SLC1A3: variants seen among roughly 807,000 people sequenced by gnomAD.
SLC1A3 encodes excitatory amino acid transporter 1.
A neutral mutation model predicts 48.1 loss-of-function variants in SLC1A3; 21 were observed. The ratio of observed to expected loss-of-function variants is 0.44; its 90% CI spans 0.31 to 0.63. The LOEUF (loss-of-function observed/expected upper bound fraction) is 0.63, where lower values mean the gene tolerates loss of function less well. Ranked by LOEUF, SLC1A3 falls within the 20% of genes least tolerant of loss-of-function variation. SLC1A3 has a pLI of 0.08. For missense variants in SLC1A3, 546 were observed against 689.0 expected (o/e 0.79, Z 2.32); for synonymous variants, 239 against 251.4 (o/e 0.95, Z 0.47).
chr5:36,682,111 T>C (rs1742463691), intron 8 of SLC1A3, among the ~76,000 whole-genome samples: 1 of 152,244 alleles, frequency 6.6e-6, no homozygotes, highest in African/African-American at 2.4e-5. Context: ...ATCTTAAACA[T>C]ACTTCCAGAA....
Position 36,679,660 on chromosome 5 carries a change from T to G in SLC1A3, c.894T>G (p.Ala298=), listed in dbSNP as rs1399186912. 6.2e-7 allele frequency: 1 copy of G among 1,613,952 alleles called. No homozygotes were observed. Among genetic ancestry groups the G allele is most frequent in the Non-Finnish European group, 8.5e-7 (1 of 1,179,956 alleles). ...YAPVGILFLI[A]GKIVEMEDMG... is the part of the protein sequence containing the mutation. Reference sequence around the variant, plus strand: ...CCGTGGGTATTCTCTTCCTGATTGCTGGGAAGATTGTGGAGATGGAAGACA... The same window carrying G: ...CCGTGGGTATTCTCTTCCTGATTGCGGGGAAGATTGTGGAGATGGAAGACA... The change falls in exon 7 of 10, where the codon GCT becomes GCG. Residue 298 remains alanine (A), a synonymous_variant. Transcript: ENST00000265113.
intron 2 of SLC1A3, among the ~76,000 whole-genome samples, chr5:36,609,700 G>A (rs1309098869): frequency 1.3e-5 from 2 of 152,152 alleles, no homozygotes; most frequent in Admixed American, 1.3e-4. Flanking sequence ...TCTTCCATTA[G>A]TAATCACTGG....
chr5:36,662,869 A>T (rs867747497), intron 3 of SLC1A3, among the ~76,000 whole-genome samples: 22 of 152,206 alleles, frequency 1.4e-4, no homozygotes, highest in African/African-American at 5.3e-4. Flanking sequence ...ATAAAGCTTG[A>T]CCACTCAGAG....
rs1561278884 is a variant in SLC1A3, at chr5:36,671,204, A to G, written c.495A>G (p.Thr165=). The G allele has an allele frequency of 1.2e-6, 2 of 1,613,738 alleles. No individual in the cohort carries two copies. The highest frequency in any genetic ancestry group is 8.5e-7 in the Non-Finnish European group (1 of 1,179,686). Residue 165 remains threonine, a synonymous_variant, in exon 4 of 10, where the codon ACA becomes ACG. Coordinates refer to ENST00000265113, the MANE Select transcript of SLC1A3 (RefSeq NM_004172.5). ...MHREGKIVRV[T]AADAFLDLIR... ...GAGAAGGCAAAATTGTACGAGTGAC[A>G]GCTGCAGATGCCTTCCTGGACTTGA... is the stretch of plus-strand genomic sequence containing the variant.
chr5:36,645,319 C>CTTTTTTT lies in SLC1A3; in HGVS notation c.319+15755_319+15761dup, dbSNP rs68027582. Among the ~76,000 whole-genome samples, 397 of 84,300 alleles carry CTTTTTTT rather than the reference C, an allele frequency of 4.7e-3. 166 individuals are homozygous for CTTTTTTT. Among genetic ancestry groups the CTTTTTTT allele is most frequent in the Middle Eastern group, 0.015 (2 of 134 alleles). The allele number at this position is 84,300 out of a possible 152,430, so 55.3% of individuals were successfully genotyped here. A position where few individuals can be genotyped will look rare whatever the true frequency, so the allele number is the denominator to read the frequency against. ...ATCTTTGAGGACTGACTTCCGCTGC[C>CTTTTTTT]TTTTTTTTTTTTTTTTTTTTTTTTT... On this transcript the variant is annotated intron_variant, in intron 3 of 9. Transcript: ENST00000265113.
chr5:36,678,837 C>T (rs968509672), intron 6 of SLC1A3, among the ~76,000 whole-genome samples: 1 of 152,164 alleles, frequency 6.6e-6, no homozygotes, highest in Non-Finnish European at 1.5e-5. Context: ...TTCATTAGAA[C>T]ACCTATAACC....
chr5:36,675,938 C>T (rs1742187659), intron 5 of SLC1A3, among the ~76,000 whole-genome samples: 1 of 152,032 alleles, frequency 6.6e-6, no homozygotes, highest in African/African-American at 2.4e-5. Flanking sequence ...ACCATTATTA[C>T]TCTCACTGGT....
upstream of SLC1A3, among the ~76,000 whole-genome samples, chr5:36,604,816 T>C (rs1738858878): frequency 6.7e-6 from 1 of 148,498 alleles, no homozygotes; most frequent in South Asian, 2.2e-4. Context: ...GAAATGCCAC[T>C]GGGCTTGAAA....
At chr5:36,675,732 G>T (rs1742179695) in intron 5 of SLC1A3, among the ~76,000 whole-genome samples, 1 of 152,184 alleles carries the variant, frequency 6.6e-6, no homozygotes, top group Non-Finnish European at 1.5e-5. Context: ...TTTTTTTGTT[G>T]CTTGAAATTA....
At chr5:36,597,220 T>A (rs1412387813) in intron 1 of SLC1A3, among the ~76,000 whole-genome samples, 1 of 146,694 alleles carries the variant, frequency 6.8e-6, no homozygotes, top group African/African-American at 2.5e-5. Context: ...CACCGAAAAC[T>A]TCTTCTTCCT....
intron 6 of SLC1A3, 133 bp downstream of exon 6, chr5:36,677,317 A>G: frequency 1.4e-6 from 1 of 723,718 alleles, no homozygotes; most frequent in Non-Finnish European, 2.3e-6. Flanking sequence ...GCCCAGGAAA[A>G]TCAATGAATC....
At chr5:36,675,879 T>C (rs1742185262) in intron 5 of SLC1A3, among the ~76,000 whole-genome samples, 1 of 152,188 alleles carries the variant, frequency 6.6e-6, no homozygotes, top group Non-Finnish European at 1.5e-5. Context: ...GCACTTCATA[T>C]ACAGCAGCAC....
chr5:36,684,255 G>A (rs1742555948), intron 9 of SLC1A3, among the ~76,000 whole-genome samples: 1 of 152,262 alleles, frequency 6.6e-6, no homozygotes, highest in East Asian at 1.9e-4. Context: ...AAGCCATTCA[G>A]GAATTGGGAA....
intron 3 of SLC1A3, among the ~76,000 whole-genome samples, chr5:36,646,701 C>T (rs944220732): frequency 6.6e-6 from 1 of 152,158 alleles, no homozygotes; most frequent in Non-Finnish European, 1.5e-5. Flanking sequence ...ATTGACCTCC[C>T]TAGTGGAAAG....
At chr5:36,643,627 T>C (rs1310471744) in intron 3 of SLC1A3, among the ~76,000 whole-genome samples, 1 of 152,162 alleles carries the variant, frequency 6.6e-6, no homozygotes, top group Admixed American at 6.5e-5. Flanking sequence ...ATCATAGCTA[T>C]GGTCCTCCTT....
intron 2 of SLC1A3, among the ~76,000 whole-genome samples, chr5:36,611,280 TAA>T (rs11336594): frequency 0.27 from 35,453 of 132,398 alleles, 5,308 homozygotes; most frequent in South Asian, 0.45. Context: ...TTGCTTTTAG[TAA>T]AAAAAAAAAA....
At chr5:36,646,570 G>A (rs960590505) in intron 3 of SLC1A3, among the ~76,000 whole-genome samples, 13 of 152,076 alleles carry the variant, frequency 8.5e-5, no homozygotes, top group African/African-American at 3.1e-4. Context: ...GCTCTCCAAG[G>A]GCAAGCTCCA....
At chr5:36,643,106 T>C (rs1039519308) in intron 3 of SLC1A3, among the ~76,000 whole-genome samples, 3 of 152,224 alleles carry the variant, frequency 2.0e-5, no homozygotes, top group African/African-American at 7.2e-5. Flanking sequence ...GTTTGGTTTT[T>C]GCTATTATAA....
At position 36,608,502 on chromosome 5, in the gene SLC1A3, CT is replaced by C; in HGVS notation, c.83del (p.Leu28TrpfsTer46). 2 of 1,614,020 alleles carry C rather than the reference CT, an allele frequency of 1.2e-6. No homozygotes were observed. Among genetic ancestry groups the C allele is most frequent in the Non-Finnish European group, 8.5e-7 (1 of 1,179,916 alleles). On this transcript the variant is annotated frameshift_variant, in exon 2 of 10. Coordinates refer to ENST00000265113, the MANE Select transcript of SLC1A3 (RefSeq NM_004172.5). LOFTEE classifies it high-confidence loss of function. ...RFQQGVRKRTLLAKKKVQNIT... is the reference protein window; with the variant it reads ...RFQQGVRKRTXLAKKKVQNIT... ...CCAGCAGGGAGTCCGTAAACGCACA[CT>C]TTTGGCCAAGAAGAAAGTGCAGAAC...
Sources: gnomAD v4.1 joint callset for allele counts (sites outside exome capture counted in the v4.1 genomes callset) on GRCh38, gnomAD v4.1.1 for gene constraint, MANE v1.5 for transcripts, NCBI Gene and HGNC (gene_info 2026-07-23, HGNC 2026-07-21) for gene names.